The following PDE4C variants were observed in gnomAD, a reference collection of about 807,000 sequenced individuals.
PDE4C encodes the protein phosphodiesterase 4C.
PDE4C carries 50 observed loss-of-function variants against 63.9 expected under a neutral mutation model. The observed-to-expected ratio is 0.78, with a 90% CI of 0.62 to 0.99. The LOEUF (loss-of-function observed/expected upper bound fraction) is 0.99. Among genes scored for constraint, PDE4C ranks in the 50% least tolerant of loss-of-function variants. PDE4C has a pLI of 0.00. For synonymous variants in PDE4C, 377 were observed against 385.1 expected, an observed-to-expected ratio of 0.98 and a Z score of 0.25; for missense variants, 777 against 899.1, an observed-to-expected ratio of 0.86 and a Z score of 1.74.
exon 14 of PDE4C, chr19:18,211,913 T>A: frequency 6.2e-7 from 1 of 1,614,120 alleles, no homozygotes; most frequent in Non-Finnish European, 8.5e-7. Context: ...GTTGCTCAGA[T>A]CAGCACAGTG....
rs73520968 is a variant in PDE4C, at chr19:18,240,757, C to T, written c.-209-7357G>A. Among the ~76,000 whole-genome samples the T allele has an allele frequency of 2.3e-3, 354 of 152,266 alleles. 5 individuals carry two copies. The highest frequency in any genetic ancestry group is 8.4e-3 in the African/African-American group (350 of 41,552). On this transcript the variant is annotated intron_variant, in intron 1 of 15. Coordinates refer to the PDE4C transcript ENST00000594617. ...AAAATGGGGAAACTGAGGTCCAAGACCATGCTGCTAATCAGGACCAGAGCC... is the reference window on the plus strand; with the variant it reads ...AAAATGGGGAAACTGAGGTCCAAGATCATGCTGCTAATCAGGACCAGAGCC...
At chr19:18,235,692 C>T (rs561573909), upstream of PDE4C, among the ~76,000 whole-genome samples, 2 of 151,994 alleles carry the variant, frequency 1.3e-5, no homozygotes, top group African/African-American at 4.8e-5. Flanking sequence ...ACTCTCTCTC[C>T]GGAAGACACA....
intron 1 of PDE4C, among the ~76,000 whole-genome samples, chr19:18,222,657 TTCTCTCTCTCTC>T (rs138832810): frequency 0.29 from 24,169 of 82,182 alleles, 4,069 homozygotes; most frequent in Non-Finnish European, 0.35. Flanking sequence ...TTCTCGTTCT[TTCTCTCTCTCTC>T]TCTCTCTCTC....
At chr19:18,227,344 G>A (rs901611959), upstream of PDE4C, among the ~76,000 whole-genome samples, 2 of 151,878 alleles carry the variant, frequency 1.3e-5, no homozygotes, top group Non-Finnish European at 2.9e-5. Flanking sequence ...AACTCCCCAC[G>A]TGATCCCCCA....
exon 8 of PDE4C, chr19:18,219,285 G>T (rs777807689): frequency 1.3e-5 from 21 of 1,614,096 alleles, no homozygotes; most frequent in Non-Finnish European, 1.5e-5. Flanking sequence ...GTGGGACAGT[G>T]GCTGAGGAGA....
rs180838749 is a variant in PDE4C at position 18,247,576 on chromosome 19, G to A, written c.-210+595C>T. On this transcript the variant is annotated intron_variant, in intron 1 of 15. Coordinates refer to the PDE4C transcript ENST00000594617. The stretch of plus-strand genomic sequence containing the variant: ...CTCCCAAAGTGCTAGGATTGCAGGC[G>A]TGAGCCACCGCGCCTGGCCAGCTCT... Among the ~76,000 whole-genome samples the A allele has an allele frequency of 1.1e-3, 162 of 152,262 alleles. 1 individual carries two copies. The highest frequency in any genetic ancestry group is 1.6e-3 in the Admixed American group (24 of 15,300).
upstream of PDE4C, among the ~76,000 whole-genome samples, chr19:18,229,169 C>T (rs183811076): frequency 3.6e-3 from 512 of 142,326 alleles, 1 homozygote; most frequent in South Asian, 0.012. Context: ...AGGCTGGTCT[C>T]GAACTCCTGA....
chr19:18,223,154 C>T (rs1489384884), intron 1 of PDE4C, among the ~76,000 whole-genome samples: 2 of 151,502 alleles, frequency 1.3e-5, no homozygotes, highest in African/African-American at 4.8e-5. Flanking sequence ...GCAATTTTCT[C>T]GCCTCAGCCT....
intron 1 of PDE4C, among the ~76,000 whole-genome samples, chr19:18,232,700 A>G (rs371879605): frequency 5.1e-5 from 4 of 78,824 alleles, no homozygotes; most frequent in Admixed American, 1.4e-4. Flanking sequence ...GCGCGCGCGC[A>G]CACACACACA....
chr19:18,235,937 GT>G (rs1424980352), upstream of PDE4C, among the ~76,000 whole-genome samples: 5 of 151,764 alleles, frequency 3.3e-5, no homozygotes, highest in African/African-American at 1.2e-4. Flanking sequence ...TTGTTTTACT[GT>G]TTTTTGTTTG....
chr19:18,237,628 TTTG>T (rs1968974317), upstream of PDE4C, among the ~76,000 whole-genome samples: 1 of 151,886 alleles, frequency 6.6e-6, no homozygotes, highest in Admixed American at 6.6e-5. Flanking sequence ...ATCCCAGCAC[TTTG>T]GGAGGCTGAG....
At chr19:18,238,702 T>C (rs1360528890) in intron 1 of PDE4C, among the ~76,000 whole-genome samples, 1 of 152,062 alleles carries the variant, frequency 6.6e-6, no homozygotes, top group Non-Finnish European at 1.5e-5. Context: ...TATTAAAATA[T>C]AAAAGTAGGG....
At chr19:18,243,434 A>G (rs1223960427) in intron 1 of PDE4C, among the ~76,000 whole-genome samples, 2 of 152,098 alleles carry the variant, frequency 1.3e-5, no homozygotes, top group African/African-American at 4.8e-5. Flanking sequence ...AAGCATGATT[A>G]CTTGTTTTTC....
intron 1 of PDE4C, among the ~76,000 whole-genome samples, chr19:18,224,905 G>C (rs4808766): frequency 0.2 from 29,974 of 152,232 alleles, 3,460 homozygotes; most frequent in Middle Eastern, 0.29. Context: ...TGCCCCTCGA[G>C]GGGGAGGCAT....
In PDE4C at chr19:18,222,130, A is replaced by G; in HGVS notation, c.338+2T>C. On this transcript the variant is annotated splice_donor_variant, in intron 2 of 14. Transcript: ENST00000262805. LOFTEE classifies it high-confidence loss of function. ...GTGTCATCCCACCAGCCCCAGACTC[A>G]CAGGTCGCTGGCCACAGAGGAGTTC... 3 of 1,605,444 alleles carry G rather than the reference A, an allele frequency of 1.9e-6. No homozygotes were observed. Among genetic ancestry groups the G allele is most frequent in the South Asian group, 2.2e-5 (2 of 90,772 alleles).
At position 18,211,248 on chromosome 19, in the gene PDE4C, G is replaced by A. The variant is rs1381382791; in HGVS notation, c.1724C>T (p.Pro575Leu). ...CAGGTCAGCCCAAGTCTCCCACAGTGGGTGAGCAATGTAGTCAATGAAACC... is the reference window on the plus strand; with the variant it reads ...CAGGTCAGCCCAAGTCTCCCACAGTAGGTGAGCAATGTAGTCAATGAAACC... Residue 575 changes from proline to leucine, a missense_variant, in exon 15 of 15, where the codon CCA becomes CTA. By Grantham distance (98) the Pro-to-Leu change is moderately conservative (BLOSUM62 -3). This residue lies in a region of PDE4C where 500 missense variants were observed against 597.8 expected (regional missense o/e 0.84). Transcript: ENST00000262805. 1.9e-6 allele frequency: 3 copies of A among 1,600,140 alleles called. No individual in the cohort carries two copies. Among genetic ancestry groups the A allele is most frequent in the East Asian group, 4.5e-5 (2 of 44,636 alleles).
At chr19:18,242,625 TACA>T (rs1969061699) in intron 1 of PDE4C, among the ~76,000 whole-genome samples, 1 of 66,544 alleles carries the variant, frequency 1.5e-5, no homozygotes, top group Admixed American at 1.6e-4. Context: ...CTACTAAAAA[TACA>T]AAAAAAAATA....
chr19:18,253,176 T>C (rs73521001), upstream of PDE4C, among the ~76,000 whole-genome samples: 684 of 152,272 alleles, frequency 4.5e-3, 5 homozygotes, highest in African/African-American at 0.015. Flanking sequence ...GACTCAGTTT[T>C]CTTTTCTGTA....
upstream of PDE4C, among the ~76,000 whole-genome samples, chr19:18,235,197 G>A (rs1968930291): frequency 6.6e-6 from 1 of 152,136 alleles, no homozygotes; most frequent in South Asian, 2.1e-4. Context: ...TTGAGACGGA[G>A]TCTCACTGTG....
Sources: allele counts gnomAD v4.1 joint callset (sites outside exome capture counted in the v4.1 genomes callset), GRCh38; gene constraint gnomAD v4.1.1; regional missense constraint gnomAD v4.1.1; transcripts MANE v1.5; gene names NCBI Gene and HGNC (gene_info 2026-07-23, HGNC 2026-07-21).